Variants in ZNF862 observed in about 807,000 individuals in gnomAD.
ZNF862 encodes the protein zinc finger protein 862.
Under a neutral mutation model 91.1 loss-of-function variants are expected in ZNF862, and 64 were observed. The observed-to-expected ratio is 0.70, with a 90% CI of 0.57 to 0.87. The LOEUF (loss-of-function observed/expected upper bound fraction) is 0.87, where lower values mean the gene tolerates loss of function less well. ZNF862 is among the 40% of genes least tolerant of loss of function. ZNF862 has a pLI of 0.00. For synonymous variants in ZNF862, 631 were observed against 618.1 expected (o/e 1.02, Z -0.31); for missense variants, 1,459 against 1,528.0 (o/e 0.95, Z 0.75).
rs373791129 is a variant in ZNF862 at position 149,859,373 on chromosome 7, G to A, written c.1118-49G>A. Reference sequence around the variant, plus strand: ...TGGGTCTAGCTTGAGGGGGCTACTCGATTTGGCCACAGCAGTGACATCAGC... The same window carrying A: ...TGGGTCTAGCTTGAGGGGGCTACTCAATTTGGCCACAGCAGTGACATCAGC... On this transcript the variant is annotated intron_variant, in intron 5 of 7. Coordinates refer to ENST00000223210, the MANE Select transcript of ZNF862 (RefSeq NM_001099220.3). 1.7e-5 allele frequency: 25 copies of A among 1,482,728 alleles called. No homozygotes were observed. The Middle Eastern group carries it at 5.1e-4, about 30-fold the overall frequency. 91.8% of individuals were successfully genotyped at this position (1,482,728 alleles called of 1,614,324 possible). A position where few individuals can be genotyped will look rare whatever the true frequency, so the allele number is the denominator to read the frequency against.
Position 149,846,275 on chromosome 7 carries a change from C to G in ZNF862, c.241+20C>G. 1 of 1,590,514 alleles carries G rather than the reference C, an allele frequency of 6.3e-7. No homozygotes were observed. Among genetic ancestry groups the G allele is most frequent in the Non-Finnish European group, 8.6e-7 (1 of 1,160,464 alleles). On this transcript the variant is annotated intron_variant, in intron 3 of 7. Coordinates refer to ENST00000223210, the MANE Select transcript of ZNF862 (RefSeq NM_001099220.3). The stretch of plus-strand genomic sequence containing the variant: ...ACCCAGGTGAGTGTGGAACTGCACT[C>G]AGGGGCAGATGCTTGGCTGGAGAGG...
At position 149,862,274 on chromosome 7, in the gene ZNF862, C is replaced by T. The variant is rs766006333; in HGVS notation, c.3114C>T (p.Cys1038=). Reference sequence around the variant, plus strand: ...TCTGTGTGCCCATCTCCACCTCTTGCTGTGAGCGGGGGTTCAAGGCCATGA... The same window carrying T: ...TCTGTGTGCCCATCTCCACCTCTTGTTGTGAGCGGGGGTTCAAGGCCATGA... ...VVVCVPISTS[C]CERGFKAMNR... is the part of the protein sequence containing the mutation. The change falls in exon 7 of 8, where the codon TGC becomes TGT. Residue 1038 remains cysteine, a synonymous_variant. Transcript: ENST00000223210. The T allele has an allele frequency of 2.5e-6, 4 of 1,613,636 alleles. No homozygotes were observed. The highest frequency in any genetic ancestry group is 3.4e-6 in the Non-Finnish European group (4 of 1,179,842).
At chr7:149,846,814 T>C (rs1801888960) in intron 3 of ZNF862, among the ~76,000 whole-genome samples, 1 of 152,224 alleles carries the variant, frequency 6.6e-6, no homozygotes, top group African/African-American at 2.4e-5. Context: ...AAGTTTGTTT[T>C]CCCTTGTGAT....
intron 1 of ZNF862, chr7:149,841,499 G>C: frequency 1.0e-6 from 1 of 982,016 alleles, no homozygotes; most frequent in Non-Finnish European, 1.2e-6. Context: ...TTGTTGACTT[G>C]ACTCTTACAT....
At chr7:149,847,524 C>G (rs1801910237) in intron 3 of ZNF862, among the ~76,000 whole-genome samples, 1 of 151,806 alleles carries the variant, frequency 6.6e-6, no homozygotes, top group Non-Finnish European at 1.5e-5. Flanking sequence ...AAAGCCCATC[C>G]CTTTGGCTTT....
intron 7 of ZNF862, among the ~76,000 whole-genome samples, chr7:149,863,446 T>C (rs1019226703): frequency 5.9e-5 from 9 of 152,126 alleles, no homozygotes; most frequent in Non-Finnish European, 1.2e-4. Context: ...ATCTCATGGC[T>C]GACAGAGGCT....
At position 149,855,522 on chromosome 7, in the gene ZNF862, C is replaced by T. The variant is rs1199802336; in HGVS notation, c.1118-3900C>T. On this transcript the variant is annotated intron_variant, in intron 5 of 7. Coordinates refer to ENST00000223210, the MANE Select transcript of ZNF862 (RefSeq NM_001099220.3). The surrounding 1 kb of genome is among the most constrained non-coding windows in gnomAD (Gnocchi z 4.1). ...GGTGGGAGAGGTATAAGAAAGGTTT[C>T]ATTTGACATGTAATCTGACACCAGC... Among the ~76,000 whole-genome samples the T allele has an allele frequency of 1.3e-5, 2 of 152,148 alleles. No homozygotes were observed. Among genetic ancestry groups the T allele is most frequent in the African/African-American group, 4.8e-5 (2 of 41,418 alleles).
rs1251051047 is a variant in ZNF862 at position 149,862,510 on chromosome 7, A to G, written c.3334+16A>G. ...TCCCCTGCAAGTAAGTACACGTGGC[A>G]GAGCTCCCCCAAGGCAGCCTCATGC... On this transcript the variant is annotated intron_variant, in intron 7 of 7. Transcript: ENST00000223210. 1 of 1,563,474 alleles carries G rather than the reference A, an allele frequency of 6.4e-7. No homozygotes were observed. Among genetic ancestry groups the G allele is most frequent in the African/African-American group, 1.3e-5 (1 of 74,314 alleles).
chr7:149,850,446 G>T lies in ZNF862; in HGVS notation c.1117+108G>T, dbSNP rs1486741324. On this transcript the variant is annotated intron_variant, in intron 5 of 7. Coordinates refer to ENST00000223210, the MANE Select transcript of ZNF862 (RefSeq NM_001099220.3). The surrounding 1 kb of genome is among the most constrained non-coding windows in gnomAD (Gnocchi z 4.2). ...TCCCATTCCTGCCCCCTCCCTGTGT[G>T]TAGGCAGAGACCGATCCTGTCTTTT... 1.7e-6 allele frequency: 2 copies of T among 1,202,194 alleles called. No homozygotes were observed. Among genetic ancestry groups the T allele is most frequent in the East Asian group, 5.1e-5 (2 of 39,200 alleles). The allele number at this position is 1,202,194 out of a possible 1,614,324, so 74.5% of individuals were successfully genotyped here.
Position 149,862,252 on chromosome 7 carries a change from G to C in ZNF862, c.3092G>C (p.Cys1031Ser), listed in dbSNP as rs553395985. The C allele has an allele frequency of 6.2e-6, 10 of 1,613,808 alleles. No individual in the cohort carries two copies. In the East Asian group the frequency reaches 2.0e-4, roughly 32 times the overall value. The change falls in exon 7 of 8, where the codon TGT becomes TCT. Residue 1031 changes from cysteine (C) to serine (S), a missense_variant. Cys to Ser is a moderately radical substitution (Grantham distance 112, BLOSUM62 -1). Coordinates refer to ENST00000223210, the MANE Select transcript of ZNF862 (RefSeq NM_001099220.3). Reference sequence around the variant, plus strand: ...AGCAAGCTCATGGCCGTGGTGGTCTGTGTGCCCATCTCCACCTCTTGCTGT... The same window carrying C: ...AGCAAGCTCATGGCCGTGGTGGTCTCTGTGCCCATCTCCACCTCTTGCTGT... ...LLSKLMAVVV[C>S]VPISTSCCER... is the part of the protein sequence containing the mutation.
rs765509398 is a variant in ZNF862, at chr7:149,862,129, T to C, written c.2969T>C (p.Leu990Pro). The C allele has an allele frequency of 1.2e-6, 2 of 1,613,542 alleles. No individual in the cohort carries two copies. Among genetic ancestry groups the C allele is most frequent in the South Asian group, 2.2e-5 (2 of 91,082 alleles). Residue 990 changes from leucine (L) to proline (P), a missense_variant, in exon 7 of 8, where the codon CTG becomes CCG. Physicochemically the swap from Leu to Pro is moderately conservative, Grantham distance 98. Coordinates refer to ENST00000223210, the MANE Select transcript of ZNF862 (RefSeq NM_001099220.3). ...ACAGGATACAGTGAGGAAGCTCTGC[T>C]GGAGGAGTGGCTGGGCCTGAAAACC... ...LPTGYSEEAL[L>P]EEWLGLKTIA...
chr7:149,849,452 A>T (rs543187868), intron 4 of ZNF862, among the ~76,000 whole-genome samples: 1 of 152,358 alleles, frequency 6.6e-6, no homozygotes, highest in East Asian at 1.9e-4. Flanking sequence ...AACTACGTTC[A>T]TTGGAAGCTT....
At chr7:149,843,433 G>A (rs1801770518) in intron 1 of ZNF862, among the ~76,000 whole-genome samples, 1 of 152,054 alleles carries the variant, frequency 6.6e-6, no homozygotes, top group African/African-American at 2.4e-5. Flanking sequence ...TTTTTCTGTT[G>A]ATTTCTTTTA....
chr7:149,841,277 T>G, intron 1 of ZNF862: 1 of 985,404 alleles, frequency 1.0e-6, no homozygotes, highest in Non-Finnish European at 1.2e-6. Flanking sequence ...CTTCCTTGGG[T>G]GCTGTTTTGT....
In ZNF862 at chr7:149,860,884, T is replaced by C; in HGVS notation, c.1724T>C (p.Phe575Ser). The C allele has an allele frequency of 6.2e-7, 1 of 1,613,696 alleles. No homozygotes were observed. The change falls in exon 7 of 8, where the codon TTT becomes TCT. Residue 575 changes from phenylalanine (F) to serine (S), a missense_variant. By Grantham distance (155) the Phe-to-Ser change is radical (BLOSUM62 -2). Transcript: ENST00000223210. ...IAYHSRPLND[F>S]EKILQLLQST... ...TACCACTCAAGGCCCCTGAATGACTTTGAGAAGATCCTGCAGCTCCTCCAA... is the reference window on the plus strand; with the variant it reads ...TACCACTCAAGGCCCCTGAATGACTCTGAGAAGATCCTGCAGCTCCTCCAA...
At chr7:149,864,067 ACTGT>A (rs1398618289) in intron 7 of ZNF862, 38 bp from the exon 8 acceptor site, 3 of 1,528,140 alleles carry the variant, frequency 2.0e-6, no homozygotes, top group Non-Finnish European at 2.6e-6. Flanking sequence ...GAAGGCGGTC[ACTGT>A]CAGTCAGTCT....
rs757275225 is a variant in ZNF862, at chr7:149,850,129, C to T, written c.940-32C>T. The T allele has an allele frequency of 4.6e-5, 71 of 1,550,062 alleles. No homozygotes were observed. The highest frequency in any genetic ancestry group is 2.4e-4 in the East Asian group (10 of 40,936). ...TCACGTGGGAGTCTGGCTCGGCAGG[C>T]GGTGCTGAGTGGCCGCTGCTCTTTG... On this transcript the variant is annotated intron_variant, in intron 4 of 7. Coordinates refer to ENST00000223210, the MANE Select transcript of ZNF862 (RefSeq NM_001099220.3). This position sits in a 1 kb window ranked among gnomAD's most constrained non-coding sequence, Gnocchi z 4.2.
At position 149,844,650 on chromosome 7, in the gene ZNF862, C is replaced by G; in HGVS notation, c.50C>G (p.Thr17Ser). ...GCTCCTGTGACGTTTGATGACATCACTGTGTACTTACTCCAGGAGGAATGG... is the reference window on the plus strand; with the variant it reads ...GCTCCTGTGACGTTTGATGACATCAGTGTGTACTTACTCCAGGAGGAATGG... ...GKAPVTFDDI[T>S]VYLLQEEWVL... The change falls in exon 2 of 8, where the codon ACT (threonine) becomes AGT (serine). Residue 17 changes from threonine (T) to serine (S), a missense_variant. Coordinates refer to ENST00000223210, the MANE Select transcript of ZNF862 (RefSeq NM_001099220.3). 1 of 1,604,946 alleles carries G rather than the reference C, an allele frequency of 6.2e-7. No homozygotes were observed. Among genetic ancestry groups the G allele is most frequent in the Non-Finnish European group, 8.5e-7 (1 of 1,175,516 alleles).
Position 149,865,019 on chromosome 7 carries a change from C to T in ZNF862, c.*735C>T, listed in dbSNP as rs938216055. On this transcript the variant is annotated 3_prime_UTR_variant, in exon 8 of 8. Coordinates refer to ENST00000223210, the MANE Select transcript of ZNF862 (RefSeq NM_001099220.3). ...CCGGTTTACCCAGGAGAGGATGGGA[C>T]GAAGTTGGAGTTGGGAGGCTTGGGA... 6.6e-6 allele frequency: 1 copy of T among 152,270 alleles called. No homozygotes were observed. Among genetic ancestry groups the T allele is most frequent in the African/African-American group, 2.4e-5 (1 of 41,426 alleles). 9.4% of individuals were successfully genotyped at this position (152,270 alleles called of 1,614,324 possible).
Sources: allele counts gnomAD v4.1 joint callset (sites outside exome capture counted in the v4.1 genomes callset), GRCh38; gene constraint gnomAD v4.1.1; non-coding constraint Gnocchi (gnomAD v3.1); transcripts MANE v1.5; gene names NCBI Gene and HGNC (gene_info 2026-07-23, HGNC 2026-07-21).